The following KIF21B variants were observed in gnomAD, a reference collection of about 807,000 sequenced individuals.
KIF21B encodes kinesin-like protein KIF21B.
KIF21B carries 85 observed loss-of-function variants against 192.9 expected under a neutral mutation model. The observed-to-expected ratio is 0.44, with a 90% confidence interval of 0.37 to 0.53. The LOEUF (loss-of-function observed/expected upper bound fraction) is 0.53. KIF21B is among the 20% of genes least tolerant of loss of function. KIF21B has a pLI of 0.00. For synonymous variants in KIF21B, 832 were observed against 884.6 expected (o/e 0.94, Z 1.05); for missense variants, 1,716 against 2,194.8 (o/e 0.78, Z 4.36).
intron 21 of KIF21B, 48 bp downstream of exon 21, chr1:200,989,894 G>A (rs983069518): frequency 7.0e-7 from 1 of 1,437,666 alleles, no homozygotes; most frequent in Admixed American, 1.7e-5. Flanking sequence ...ATATCACAGA[G>A]GCATCTGTGC....
Position 200,984,922 on chromosome 1 carries a change from C to G in KIF21B, c.3740G>C (p.Arg1247Pro), listed in dbSNP as rs777757543. The part of the protein sequence containing the change: ...TPPSSPPTRP[R>P]NDRNVFSRLT... ...ACGAGAGAAGACATTGCGGTCATTG[C>G]GGGGCCGAGTGGGAGGGGATGATGG... Residue 1247 changes from arginine to proline, a missense_variant, in exon 27 of 35, where the codon CGC (arginine) becomes CCC (proline). Physicochemically the swap from Arg to Pro is moderately radical, Grantham distance 103. Around this residue, in one of 3 missense-constraint regions of KIF21B, gnomAD observed 580 missense variants for 775.5 expected, o/e 0.75. Transcript: ENST00000461742. 1.9e-6 allele frequency: 3 copies of G among 1,606,570 alleles called. No individual in the cohort carries two copies.
intron 30 of KIF21B, among the ~76,000 whole-genome samples, chr1:200,978,772 G>A (rs1020104685): frequency 3.3e-5 from 5 of 151,886 alleles, no homozygotes; most frequent in Admixed American, 6.6e-5. Context: ...CTACAGTCTC[G>A]ACCTCCTGGG....
intron 1 of KIF21B, among the ~76,000 whole-genome samples, chr1:201,013,206 T>C (rs1293439006): frequency 6.6e-6 from 1 of 152,308 alleles, no homozygotes; most frequent in Non-Finnish European, 1.5e-5. Context: ...CTGGGAGACA[T>C]GAGACCAGGG....
At position 200,974,634 on chromosome 1, in the gene KIF21B, C is replaced by T. The variant is rs561647307; in HGVS notation, c.4814+80G>A. 2.7e-6 allele frequency: 4 copies of T among 1,460,808 alleles called. No homozygotes were observed. In the African/African-American group the frequency reaches 5.9e-5, roughly 21 times the overall value. 90.5% of individuals were successfully genotyped at this position (1,460,808 alleles called of 1,614,324 possible). On this transcript the variant is annotated intron_variant, in intron 34 of 34. Transcript: ENST00000461742. ...CGAGCCTGCGGGGACAACTGCAGGG[C>T]CCTGAGCCTCCCAGCCTCCCCTGCC...
rs1232189864 is a variant in KIF21B, at chr1:201,017,551, C to T, written c.41+5792G>A. Among the ~76,000 whole-genome samples, 2 of 152,376 alleles carry T rather than the reference C, an allele frequency of 1.3e-5. No individual in the cohort carries two copies. Among genetic ancestry groups the T allele is most frequent in the East Asian group, 3.9e-4 (2 of 5,188 alleles). On this transcript the variant is annotated intron_variant, in intron 1 of 34. Transcript: ENST00000461742. This position sits in a 1 kb window ranked among gnomAD's most constrained non-coding sequence, Gnocchi z 4.1. ...GTCAGGCTTCGCCCAGAGCCCAGAG[C>T]TGTGACGGTATTGGCATCTGCATCT...
intron 28 of KIF21B, among the ~76,000 whole-genome samples, chr1:200,981,529 A>C (rs1655929328): frequency 6.6e-6 from 1 of 152,186 alleles, no homozygotes; most frequent in Non-Finnish European, 1.5e-5. Flanking sequence ...TGCTTCAGTT[A>C]ACCGAGTGTG....
Position 201,004,636 on chromosome 1 carries a change from C to T in KIF21B, c.900+130G>A, listed in dbSNP as rs560865588. On this transcript the variant is annotated intron_variant, in intron 6 of 34. Coordinates refer to ENST00000461742, the MANE Select transcript of KIF21B (RefSeq NM_001252102.2). ...ATGGGGAAGCTGGGGACAGGGGTGA[C>T]GCCTGAGAGTGAAGGGCTAATTGGC... is the stretch of plus-strand genomic sequence containing the variant. The T allele has an allele frequency of 3.0e-4, 376 of 1,253,398 alleles. 1 individual carries two copies. The highest frequency in any genetic ancestry group is 2.0e-3 in the Admixed American group (103 of 52,386). 77.6% of individuals were successfully genotyped at this position (1,253,398 alleles called of 1,614,324 possible).
At position 201,000,264 on chromosome 1, in the gene KIF21B, C is replaced by T. The variant is rs1657392372; in HGVS notation, c.1685+126G>A. On this transcript the variant is annotated intron_variant, in intron 11 of 34. Coordinates refer to ENST00000461742, the MANE Select transcript of KIF21B (RefSeq NM_001252102.2). The surrounding 1 kb of genome is among the most constrained non-coding windows in gnomAD (Gnocchi z 6.0). ...GAATTCCCAAGCAATACTGAGGCAG[C>T]CCCTGGGGCTGGGGGCGTGGAGGTT... 1 of 1,001,706 alleles carries T rather than the reference C, an allele frequency of 1.0e-6. No homozygotes were observed. Among genetic ancestry groups the T allele is most frequent in the South Asian group, 1.6e-5 (1 of 63,512 alleles). The allele number at this position is 1,001,706 out of a possible 1,614,324, so 62.1% of individuals were successfully genotyped here. A position where few individuals can be genotyped will look rare whatever the true frequency, so the allele number is the denominator to read the frequency against.
Position 200,984,914 on chromosome 1 carries a change from G to A in KIF21B, c.3748C>T (p.Arg1250Cys), listed in dbSNP as rs755052725. The change falls in exon 27 of 35, where the codon CGC becomes TGC. Residue 1250 changes from arginine (R) to cysteine (C), a missense_variant. Transcript: ENST00000461742. ...CTGGTGAGACGAGAGAAGACATTGC[G>A]GTCATTGCGGGGCCGAGTGGGAGGG... Reference protein sequence around the residue: ...SSPPTRPRNDRNVFSRLTSNQ... With the variant: ...SSPPTRPRNDCNVFSRLTSNQ... 14 of 1,607,542 alleles carry A rather than the reference G, an allele frequency of 8.7e-6. No individual in the cohort carries two copies. The highest frequency in any genetic ancestry group is 2.3e-5 in the East Asian group (1 of 43,860).
In KIF21B at chr1:200,982,312, T is replaced by A. The variant is rs12087649; in HGVS notation, c.3842+744A>T. 0.32 allele frequency among the ~76,000 whole-genome samples: 48,201 copies of A among 152,034 alleles called. 10,049 individuals carry two copies. Among genetic ancestry groups the A allele is most frequent in the African/African-American group, 0.58 (24,252 of 41,474 alleles). Reference sequence around the variant, plus strand: ...AGCCTCATGATTCACAGTAAACCAGTTGTCGACACTCAGGGCTGGAGGCTC... The same window carrying A: ...AGCCTCATGATTCACAGTAAACCAGATGTCGACACTCAGGGCTGGAGGCTC... On this transcript the variant is annotated intron_variant, in intron 28 of 34. Transcript: ENST00000461742. This position sits in a 1 kb window ranked among gnomAD's most constrained non-coding sequence, Gnocchi z 4.7.
At chr1:201,014,467 C>T (rs1165810378) in intron 1 of KIF21B, among the ~76,000 whole-genome samples, 2 of 152,198 alleles carry the variant, frequency 1.3e-5, no homozygotes, top group Non-Finnish European at 2.9e-5. Context: ...CAGGGGTATG[C>T]TGAGAGACTG....
chr1:201,000,353 TGA>T lies in KIF21B; in HGVS notation c.1685+35_1685+36del. 6.6e-7 allele frequency: 1 copy of T among 1,524,724 alleles called. No individual in the cohort carries two copies. The highest frequency in any genetic ancestry group is 8.7e-7 in the Non-Finnish European group (1 of 1,145,406). 94.4% of individuals were successfully genotyped at this position (1,524,724 alleles called of 1,614,324 possible). ...ACGGGCAGGGTCCACTGGGGCGGTC[TGA>T]GGGCTCTCAGGGGCGGGGACGACAC... is the stretch of plus-strand genomic sequence containing the variant. On this transcript the variant is annotated intron_variant, in intron 11 of 34. Coordinates refer to ENST00000461742, the MANE Select transcript of KIF21B (RefSeq NM_001252102.2). The surrounding 1 kb of genome is among the most constrained non-coding windows in gnomAD (Gnocchi z 6.0).
chr1:200,970,459 G>A lies in KIF21B; in HGVS notation c.*3062C>T, dbSNP rs1655158093. 1.3e-5 allele frequency: 2 copies of A among 152,542 alleles called. No individual in the cohort carries two copies. The highest frequency in any genetic ancestry group is 2.1e-4 in the South Asian group (1 of 4,836). 9.4% of individuals were successfully genotyped at this position (152,542 alleles called of 1,614,324 possible). On this transcript the variant is annotated 3_prime_UTR_variant, in exon 35 of 35. Transcript: ENST00000461742. ...CAAAGGCTTGGGTGTGCCAGGCTCC[G>A]CCTGTTAATCTTTCCTCCTTCCTTG... is the stretch of plus-strand genomic sequence containing the variant.
chr1:200,973,710 G>T (rs997587361), intron 34 of KIF21B, 132 bp from the exon 35 acceptor site: 256 of 1,487,434 alleles, frequency 1.7e-4, no homozygotes, highest in Non-Finnish European at 2.2e-4. Context: ...AGGCAAGCAT[G>T]GCTTACGGGG....
At chr1:200,974,626 C>T in intron 34 of KIF21B, 88 bp downstream of exon 34, 1 of 1,407,120 alleles carries the variant, frequency 7.1e-7, no homozygotes, top group Non-Finnish European at 1.0e-6. Flanking sequence ...GCGGGGACAA[C>T]TGCAGGGCCC....
chr1:201,001,944 A>G lies in KIF21B; in HGVS notation c.1402+217T>C. The G allele has an allele frequency of 5.2e-6, 3 of 581,922 alleles. No homozygotes were observed. The South Asian group carries it at 6.2e-5, about 12-fold the overall frequency. The allele number at this position is 581,922 out of a possible 1,614,324, so 36.0% of individuals were successfully genotyped here. ...GCGATTTTAATCTTTCACTTCATAT[A>G]GTGATGTATTGTTTGCATGTTGAAC... On this transcript the variant is annotated intron_variant, in intron 9 of 34. Coordinates refer to ENST00000461742, the MANE Select transcript of KIF21B (RefSeq NM_001252102.2).
chr1:200,990,263 G>A lies in KIF21B; in HGVS notation c.2905C>T (p.Pro969Ser), dbSNP rs774303993. The A allele has an allele frequency of 1.9e-6, 3 of 1,613,750 alleles. No individual in the cohort carries two copies. The highest frequency in any genetic ancestry group is 1.7e-5 in the Admixed American group (1 of 60,004). The change falls in exon 20 of 35, where the codon CCC becomes TCC. Residue 969 changes from proline to serine, a missense_variant. Physicochemically the swap from Pro to Ser is moderately conservative, Grantham distance 74. Coordinates refer to ENST00000461742, the MANE Select transcript of KIF21B (RefSeq NM_001252102.2). This position sits in a 1 kb window ranked among gnomAD's most constrained non-coding sequence, Gnocchi z 5.4. ...RKRERLQAES[P>S]EEEKGLQELA... ...TCCTGCAGCCCCTTCTCTTCCTCGG[G>A]GCTCTCAGCCTGCAGCCGCTCCCGC...
chr1:201,021,891 C>T (rs908288301), intron 1 of KIF21B, among the ~76,000 whole-genome samples: 1 of 152,188 alleles, frequency 6.6e-6, no homozygotes, highest in South Asian at 2.1e-4. Flanking sequence ...TCCCACCCCC[C>T]AGCCATGCAC....
chr1:200,987,300 T>A, intron 24 of KIF21B, 99 bp from the exon 25 acceptor site: 1 of 1,082,618 alleles, frequency 9.2e-7, no homozygotes, highest in Non-Finnish European at 1.3e-6. Flanking sequence ...GAGACAGTGG[T>A]GCAAACATGG....
Sources: allele counts gnomAD v4.1 joint callset (sites outside exome capture counted in the v4.1 genomes callset), GRCh38; gene constraint gnomAD v4.1.1; regional missense constraint gnomAD v4.1.1; non-coding constraint Gnocchi (gnomAD v3.1); transcripts MANE v1.5; gene names NCBI Gene and HGNC (gene_info 2026-07-23, HGNC 2026-07-21).